Variants in CENPW observed in about 807,000 individuals in gnomAD.
CENPW encodes cancer-up-regulated gene 2 protein.
Under a neutral mutation model 11.1 loss-of-function variants are expected in CENPW, and 3 were observed. That is an observed-to-expected ratio of 0.27 (90% CI 0.12 to 0.70). The LOEUF is 0.70. Ranked by LOEUF, CENPW falls within the 30% of genes least tolerant of loss-of-function variation. The pLI, the probability that CENPW is intolerant of heterozygous loss-of-function variation, is 0.77. For synonymous variants in CENPW, 38 were observed against 42.0 expected (o/e 0.91, Z 0.37); for missense variants, 100 against 105.6 (o/e 0.95, Z 0.23).
the CENPW span, among the ~76,000 whole-genome samples, chr6:126,419,537 CAAG>C: frequency 6.6e-6 from 1 of 151,988 alleles, no homozygotes. Context: ...ATAAATAAAA[CAAG>C]AAAAATGTCA....
the CENPW span, among the ~76,000 whole-genome samples, chr6:126,413,262 A>G: frequency 6.6e-6 from 1 of 152,194 alleles, no homozygotes; most frequent in Non-Finnish European, 1.5e-5. Flanking sequence ...ACGCAGAAAG[A>G]GATTCTTAAA....
the CENPW span, among the ~76,000 whole-genome samples, chr6:126,462,561 C>T: frequency 6.7e-6 from 1 of 149,712 alleles, no homozygotes; most frequent in Non-Finnish European, 1.5e-5. Context: ...CACACACACG[C>T]ATCTTCTCTT....
chr6:126,378,465 G>GT, the CENPW span, among the ~76,000 whole-genome samples: 682 of 146,278 alleles, frequency 4.7e-3, 1 homozygote, highest in African/African-American at 0.013. Context: ...TGTCCCTTGA[G>GT]TTTTTTTTTT....
chr6:126,439,509 G>A, the CENPW span, among the ~76,000 whole-genome samples: 1 of 151,508 alleles, frequency 6.6e-6, no homozygotes, highest in Admixed American at 6.6e-5. Context: ...GACTTCTCAG[G>A]GAAAGAGGAG....
the CENPW span, among the ~76,000 whole-genome samples, chr6:126,395,963 T>C: frequency 6.6e-6 from 1 of 152,110 alleles, no homozygotes; most frequent in Middle Eastern, 3.2e-3. Flanking sequence ...CCACCACCAC[T>C]GGGACTGTGA....
the CENPW span, among the ~76,000 whole-genome samples, chr6:126,451,720 C>T: frequency 1.3e-5 from 2 of 150,958 alleles, no homozygotes; most frequent in East Asian, 2.0e-4. Flanking sequence ...CCCCTTTCCT[C>T]TTGCCACTTA....
At chr6:126,397,102 C>A in the CENPW span, among the ~76,000 whole-genome samples, 1 of 152,024 alleles carries the variant, frequency 6.6e-6, no homozygotes, top group Non-Finnish European at 1.5e-5. Context: ...TGACTCCAAG[C>A]CCAGCACAGC....
chr6:126,374,859 A>G, the CENPW span, among the ~76,000 whole-genome samples: 1 of 152,216 alleles, frequency 6.6e-6, no homozygotes, highest in African/African-American at 2.4e-5. Flanking sequence ...AAACTGTTCT[A>G]ATTTTGAAAG....
the CENPW span, among the ~76,000 whole-genome samples, chr6:126,452,889 AATG>A: frequency 6.6e-6 from 1 of 151,044 alleles, no homozygotes; most frequent in Non-Finnish European, 1.5e-5. Context: ...TCCAGACAAA[AATG>A]ATCCATTACT....
chr6:126,371,525 T>A, the CENPW span, among the ~76,000 whole-genome samples: 12 of 152,206 alleles, frequency 7.9e-5, no homozygotes, highest in Non-Finnish European at 1.8e-4. Context: ...TCTGTATTCA[T>A]CAAGGATATT....
At chr6:126,405,659 GTGTC>G in the CENPW span, among the ~76,000 whole-genome samples, 3 of 151,920 alleles carry the variant, frequency 2.0e-5, no homozygotes, top group Admixed American at 2.0e-4. Context: ...TCATTTATGT[GTGTC>G]TGCTTCAATT....
the CENPW span, among the ~76,000 whole-genome samples, chr6:126,400,702 G>A: frequency 3.3e-5 from 5 of 151,798 alleles, no homozygotes; most frequent in Admixed American, 3.3e-4. Context: ...ACAAATCTTG[G>A]ATGTTTTGTT....
chr6:126,431,970 CA>C, the CENPW span, among the ~76,000 whole-genome samples: 1 of 144,264 alleles, frequency 6.9e-6, no homozygotes, highest in Admixed American at 7.5e-5. Context: ...GAGGCTGAGG[CA>C]GGAGAATCGC....
chr6:126,402,795 T>C, the CENPW span, among the ~76,000 whole-genome samples: 2 of 152,112 alleles, frequency 1.3e-5, no homozygotes, highest in Non-Finnish European at 2.9e-5. Context: ...TTTTGACTAT[T>C]ATTAATAATG....
At chr6:126,369,855 A>T in the CENPW span, among the ~76,000 whole-genome samples, 1 of 152,184 alleles carries the variant, frequency 6.6e-6, no homozygotes, top group Non-Finnish European at 1.5e-5. Flanking sequence ...TGCCTAAGCC[A>T]ATGTCAAGAA....
the CENPW span, among the ~76,000 whole-genome samples, chr6:126,384,968 CA>C: frequency 6.6e-6 from 1 of 152,062 alleles, no homozygotes; most frequent in Non-Finnish European, 1.5e-5. Flanking sequence ...AGACACTTTT[CA>C]AATGCGTACA....
the CENPW span, among the ~76,000 whole-genome samples, chr6:126,406,485 G>A: frequency 6.6e-6 from 1 of 151,974 alleles, no homozygotes; most frequent in African/African-American, 2.4e-5. Context: ...TTGTGTCACA[G>A]AAAGAGACTG....
At chr6:126,427,226 C>T in the CENPW span, among the ~76,000 whole-genome samples, 1 of 152,024 alleles carries the variant, frequency 6.6e-6, no homozygotes, top group Admixed American at 6.6e-5. Context: ...GTTACATGGC[C>T]ATTTTTTGCT....
At chr6:126,423,173 T>C in the CENPW span, among the ~76,000 whole-genome samples, 8 of 152,230 alleles carry the variant, frequency 5.3e-5, no homozygotes, top group African/African-American at 1.9e-4. Flanking sequence ...TTTTTTTTAA[T>C]CTCCAAGAAG....
Sources: gnomAD v4.1 joint callset for allele counts (sites outside exome capture counted in the v4.1 genomes callset) on GRCh38, gnomAD v4.1.1 for gene constraint, MANE v1.5 for transcripts, NCBI Gene and HGNC (gene_info 2026-07-23, HGNC 2026-07-21) for gene names.